The following DOP1A variants were observed in gnomAD, a reference collection of about 807,000 sequenced individuals.
DOP1A encodes the protein protein DOP1A.
DOP1A carries 90 observed loss-of-function variants against 267.6 expected under a neutral mutation model. That is an observed-to-expected ratio of 0.34 (90% CI 0.28 to 0.40). The LOEUF is 0.40. Among genes scored for constraint, DOP1A ranks in the 10% least tolerant of loss-of-function variants. DOP1A has a pLI of 1.00. For missense variants in DOP1A, 2,437 were observed against 2,900.4 expected (o/e 0.84, Z 3.67); for synonymous variants, 932 against 999.1 (o/e 0.93, Z 1.27).
chr6:83,140,381 C>T lies in DOP1A; in HGVS notation c.5393C>T (p.Thr1798Ile). ...ATTGCCGCATCCGCATCTCTTACCA[C>T]TATTAATCTTGGAGCTACAAAGGTT... is the stretch of plus-strand genomic sequence containing the variant. Reference protein sequence around the residue: ...MTIAASASLTTINLGATKNLR... With the variant: ...MTIAASASLTIINLGATKNLR... Residue 1798 changes from threonine (T) to isoleucine (I), a missense_variant, in exon 23 of 39, where the codon ACT (threonine) becomes ATT (isoleucine). By Grantham distance (89) the Thr-to-Ile change is moderately conservative (BLOSUM62 -1). This residue lies in a region of DOP1A where 307 missense variants were observed against 308.6 expected (regional missense o/e 0.99). Transcript: ENST00000349129. 3 of 1,609,580 alleles carry T rather than the reference C, an allele frequency of 1.9e-6. No individual in the cohort carries two copies. The highest frequency in any genetic ancestry group is 2.2e-5 in the South Asian group (2 of 90,384).
chr6:83,139,808 TACA>T (rs1779342523), intron 21 of DOP1A, among the ~76,000 whole-genome samples, 189 bp from the exon 22 acceptor site: 1 of 152,188 alleles, frequency 6.6e-6, no homozygotes, highest in Non-Finnish European at 1.5e-5. Context: ...AGAACTCTAG[TACA>T]TTTAGTCCAA....
In DOP1A at chr6:83,168,362, C is replaced by T. The variant is rs1310291089; in HGVS notation, c.*195C>T. 1.4e-6 allele frequency: 2 copies of T among 1,392,348 alleles called. No individual in the cohort carries two copies. The highest frequency in any genetic ancestry group is 3.2e-5 in the South Asian group (2 of 61,812). 86.2% of individuals were successfully genotyped at this position (1,392,348 alleles called of 1,614,324 possible). A position where few individuals can be genotyped will look rare whatever the true frequency, so the allele number is the denominator to read the frequency against. On this transcript the variant is annotated 3_prime_UTR_variant, in exon 39 of 39. Transcript: ENST00000349129. ...CAAGTTTAAATATTGTTGGCTCATACTGATTATGGTGCCTAAGAGAGCTAT... is the reference window on the plus strand; with the variant it reads ...CAAGTTTAAATATTGTTGGCTCATATTGATTATGGTGCCTAAGAGAGCTAT...
intron 7 of DOP1A, among the ~76,000 whole-genome samples, chr6:83,114,417 A>T (rs908443003): frequency 1.3e-5 from 2 of 152,304 alleles, no homozygotes; most frequent in East Asian, 3.9e-4. Flanking sequence ...TATTATAGGG[A>T]TGGCCAAACA....
At chr6:83,116,511 C>T (rs1204562278) in intron 7 of DOP1A, among the ~76,000 whole-genome samples, 2 of 152,154 alleles carry the variant, frequency 1.3e-5, no homozygotes, top group Admixed American at 1.3e-4. Flanking sequence ...CAATTCAAAT[C>T]AAAACAATAC....
At chr6:83,118,045 T>G (rs1421923342) in intron 7 of DOP1A, among the ~76,000 whole-genome samples, 3 of 152,184 alleles carry the variant, frequency 2.0e-5, no homozygotes, top group Non-Finnish European at 1.5e-5. Context: ...AACCAGGCAT[T>G]TGAATTTGGC....
intron 24 of DOP1A, 86 bp downstream of exon 24, chr6:83,142,132 C>A: frequency 1.3e-6 from 2 of 1,489,648 alleles, no homozygotes; most frequent in Non-Finnish European, 1.8e-6. Flanking sequence ...TGCAGTGGGG[C>A]CGGGGTAGAT....
Position 83,129,278 on chromosome 6 carries a change from C to G in DOP1A, c.2111C>G (p.Ala704Gly). 1.9e-6 allele frequency: 3 copies of G among 1,610,822 alleles called. No individual in the cohort carries two copies. Among genetic ancestry groups the G allele is most frequent in the Non-Finnish European group, 1.7e-6 (2 of 1,178,776 alleles). ...IQNNSFSQSL[A>G]TEHQGDLGRE... ...AATAACTCTTTTTCTCAGTCTTTGG[C>G]TACAGAACATCAAGGGGATCTTGGT... The change falls in exon 16 of 39, where the codon GCT becomes GGT. Residue 704 changes from alanine (A) to glycine (G), a missense_variant. Ala to Gly is a moderately conservative substitution (Grantham distance 60). Around this residue, in one of 9 missense-constraint regions of DOP1A, gnomAD observed 498 missense variants for 513.5 expected, o/e 0.97. Transcript: ENST00000349129.
chr6:83,130,611 G>A (rs1291744305), intron 17 of DOP1A, among the ~76,000 whole-genome samples: 1 of 152,104 alleles, frequency 6.6e-6, no homozygotes, highest in Non-Finnish European at 1.5e-5. Flanking sequence ...AGAAAGATAA[G>A]GATAAAGGAG....
At chr6:83,089,229 T>C (rs1420664872) in intron 1 of DOP1A, among the ~76,000 whole-genome samples, 1 of 152,242 alleles carries the variant, frequency 6.6e-6, no homozygotes, top group African/African-American at 2.4e-5. Flanking sequence ...AAGTGAGGTC[T>C]ACTCACTTTT....
chr6:83,134,100 T>C (rs924782106), intron 18 of DOP1A, 87 bp from the exon 19 acceptor site: 2 of 1,030,110 alleles, frequency 1.9e-6, no homozygotes, highest in Non-Finnish European at 2.9e-6. Context: ...CGTAATACAG[T>C]ACTCCTAAAT....
intron 4 of DOP1A, among the ~76,000 whole-genome samples, chr6:83,105,041 T>G (rs753151339): frequency 6.6e-6 from 1 of 152,194 alleles, no homozygotes; most frequent in Non-Finnish European, 1.5e-5. Context: ...TCTTCTCTGC[T>G]GTAACATTTA....
intron 1 of DOP1A, among the ~76,000 whole-genome samples, chr6:83,094,841 T>C (rs1431975980): frequency 6.6e-6 from 1 of 152,252 alleles, no homozygotes; most frequent in Non-Finnish European, 1.5e-5. Context: ...ACTTTCTTAA[T>C]GTTATCCTTT....
chr6:83,086,261 T>C (rs887893038), intron 1 of DOP1A, among the ~76,000 whole-genome samples: 3 of 152,222 alleles, frequency 2.0e-5, no homozygotes, highest in Non-Finnish European at 4.4e-5. Context: ...ATATGTATAA[T>C]ATGCTGTATT....
Position 83,147,240 on chromosome 6 carries a change from ATCTT to A in DOP1A, c.5687_5690del (p.Ser1896TrpfsTer21). On this transcript the variant is annotated frameshift_variant, in exon 26 of 39. Transcript: ENST00000349129. LOFTEE classifies it high-confidence loss of function. Reference sequence around the variant, plus strand: ...ATTGATTTCTTTTATTTATAGAAACATCTTTCTTTGGAAGTCTGCATGCTTCAGT... The same window carrying A: ...ATTGATTTCTTTTATTTATAGAAACATCTTTGGAAGTCTGCATGCTTCAGT... 1 of 1,464,406 alleles carries A rather than the reference ATCTT, an allele frequency of 6.8e-7. No homozygotes were observed. The highest frequency in any genetic ancestry group is 9.3e-7 in the Non-Finnish European group (1 of 1,071,260). 90.7% of individuals were successfully genotyped at this position (1,464,406 alleles called of 1,614,324 possible). A position where few individuals can be genotyped will look rare whatever the true frequency, so the allele number is the denominator to read the frequency against.
At chr6:83,153,701 A>C in intron 31 of DOP1A, 81 bp downstream of exon 31, 1 of 1,257,596 alleles carries the variant, frequency 8.0e-7, no homozygotes, top group Admixed American at 2.6e-5. Context: ...TGCCATTTCT[A>C]GAATTATCAT....
chr6:83,069,906 C>G (rs1325563264), intron 1 of DOP1A, among the ~76,000 whole-genome samples: 1 of 152,040 alleles, frequency 6.6e-6, no homozygotes, highest in Non-Finnish European at 1.5e-5. Flanking sequence ...TAGAAGCCAC[C>G]CAAAATGTGC....
chr6:83,135,382 G>A (rs1046461657), intron 19 of DOP1A, among the ~76,000 whole-genome samples: 2 of 151,620 alleles, frequency 1.3e-5, no homozygotes, highest in African/African-American at 4.8e-5. Context: ...ATGTATGCCT[G>A]TGAAATTTCA....
chr6:83,102,425 T>C (rs1406955709), intron 4 of DOP1A, among the ~76,000 whole-genome samples: 1 of 152,222 alleles, frequency 6.6e-6, no homozygotes, highest in African/African-American at 2.4e-5. Flanking sequence ...ACAACAGAAA[T>C]AAGATTATCA....
Position 83,129,191 on chromosome 6 carries a change from A to G in DOP1A, c.2024A>G (p.Gln675Arg), listed in dbSNP as rs1401168874. The G allele has an allele frequency of 6.2e-7, 1 of 1,613,270 alleles. No homozygotes were observed. ...AAGACAGCCCAAAAGACTGCAATGCAGTGCTGCTTGGAGTATGTCCAACAG... is the reference window on the plus strand; with the variant it reads ...AAGACAGCCCAAAAGACTGCAATGCGGTGCTGCTTGGAGTATGTCCAACAG... ...SRKTAQKTAM[Q>R]CCLEYVQQFL... The change falls in exon 16 of 39, where the codon CAG becomes CGG. Residue 675 changes from glutamine (Q) to arginine (R), a missense_variant. Coordinates refer to ENST00000349129, the MANE Select transcript of DOP1A (RefSeq NM_015018.4).
Sources: allele counts gnomAD v4.1 joint callset (sites outside exome capture counted in the v4.1 genomes callset), GRCh38; gene constraint gnomAD v4.1.1; regional missense constraint gnomAD v4.1.1; transcripts MANE v1.5; gene names NCBI Gene and HGNC (gene_info 2026-07-23, HGNC 2026-07-21).